The following GABRB1 variants were observed in gnomAD, a reference collection of about 807,000 sequenced individuals.
GABRB1 encodes gamma-aminobutyric acid receptor subunit beta-1.
A neutral mutation model predicts 51.6 loss-of-function variants in GABRB1; 17 were observed. The ratio of observed to expected loss-of-function variants is 0.33; its 90% CI spans 0.23 to 0.49. The LOEUF is 0.49. GABRB1 is among the 20% of genes least tolerant of loss of function. The pLI is 0.99. For missense variants in GABRB1, 410 were observed against 600.6 expected (o/e 0.68, Z 3.32); for synonymous variants, 247 against 218.9 (o/e 1.13, Z -1.14).
At chr4:47,066,308 T>G (rs904649067) in intron 3 of GABRB1, among the ~76,000 whole-genome samples, 1 of 152,216 alleles carries the variant, frequency 6.6e-6, no homozygotes, top group Admixed American at 6.5e-5. Context: ...TGCTGACTGA[T>G]CAGGGTGGTG....
chr4:47,121,302 G>A (rs887701142), intron 3 of GABRB1, among the ~76,000 whole-genome samples: 1 of 152,122 alleles, frequency 6.6e-6, no homozygotes, highest in South Asian at 2.1e-4. Flanking sequence ...CAAGCACATA[G>A]ATTCTCTCTC....
chr4:47,224,105 G>A (rs1720860785), intron 4 of GABRB1, among the ~76,000 whole-genome samples: 1 of 151,910 alleles, frequency 6.6e-6, no homozygotes, highest in Non-Finnish European at 1.5e-5. Flanking sequence ...CTTTACCTGA[G>A]CTCTGTGCTC....
At chr4:47,081,132 C>T (rs908554964) in intron 3 of GABRB1, among the ~76,000 whole-genome samples, 8 of 152,122 alleles carry the variant, frequency 5.3e-5, no homozygotes, top group Non-Finnish European at 7.4e-5. Context: ...GATGACATAA[C>T]GAAGCCTTTG....
chr4:47,198,171 C>A (rs1560581596), intron 4 of GABRB1, among the ~76,000 whole-genome samples: 1 of 152,134 alleles, frequency 6.6e-6, no homozygotes, highest in Admixed American at 6.5e-5. Flanking sequence ...GGCATAGTGG[C>A]AGGATGTGAA....
At chr4:47,122,899 A>G (rs1056857940) in intron 3 of GABRB1, among the ~76,000 whole-genome samples, 1 of 152,192 alleles carries the variant, frequency 6.6e-6, no homozygotes, top group Non-Finnish European at 1.5e-5. Flanking sequence ...GAGAAAAACG[A>G]GCTGACCAGC....
At chr4:47,092,291 G>T (rs1424467327) in intron 3 of GABRB1, among the ~76,000 whole-genome samples, 1 of 147,124 alleles carries the variant, frequency 6.8e-6, no homozygotes, top group African/African-American at 2.5e-5. Context: ...TCCTGTCTCA[G>T]CCTCCTAAAT....
At chr4:47,273,813 G>C (rs2109896779) in intron 4 of GABRB1, among the ~76,000 whole-genome samples, 1 of 150,856 alleles carries the variant, frequency 6.6e-6, no homozygotes, top group East Asian at 1.9e-4. Flanking sequence ...TTGAGATTGA[G>C]GTTTTGTTCT....
chr4:47,101,127 T>C (rs1343487708), intron 3 of GABRB1, among the ~76,000 whole-genome samples: 1 of 152,034 alleles, frequency 6.6e-6, no homozygotes, highest in Non-Finnish European at 1.5e-5. Flanking sequence ...GTAGACTCCC[T>C]TAGGACAGGG....
At chr4:47,194,621 A>G (rs1406001398) in intron 4 of GABRB1, among the ~76,000 whole-genome samples, 1 of 152,224 alleles carries the variant, frequency 6.6e-6, no homozygotes, top group Non-Finnish European at 1.5e-5. Context: ...AAACTAGCAC[A>G]TCAGTGCTGC....
At chr4:47,029,943 G>A (rs550541826), upstream of GABRB1, among the ~76,000 whole-genome samples, 1 of 152,090 alleles carries the variant, frequency 6.6e-6, no homozygotes, top group African/African-American at 2.4e-5. Flanking sequence ...ATATCTCAAA[G>A]GCAAATGCCC....
At chr4:47,350,395 T>C (rs1010352961) in intron 5 of GABRB1, among the ~76,000 whole-genome samples, 1 of 151,488 alleles carries the variant, frequency 6.6e-6, no homozygotes, top group Admixed American at 6.6e-5. Context: ...CAAGCACTAC[T>C]AACAAACTCC....
At chr4:47,167,652 G>A (rs1718248067) in intron 4 of GABRB1, among the ~76,000 whole-genome samples, 1 of 152,172 alleles carries the variant, frequency 6.6e-6, no homozygotes, top group South Asian at 2.1e-4. Flanking sequence ...ACAGTTTGGA[G>A]AGCAGAGATA....
chr4:47,227,569 A>G (rs1251297418), intron 4 of GABRB1, among the ~76,000 whole-genome samples: 4 of 152,172 alleles, frequency 2.6e-5, no homozygotes. Context: ...ATAGAGCACT[A>G]GAGCTGAGAT....
intron 3 of GABRB1, among the ~76,000 whole-genome samples, chr4:47,131,417 C>T (rs1212167598): frequency 6.6e-6 from 1 of 152,314 alleles, no homozygotes; most frequent in South Asian, 2.1e-4. Context: ...CTCGGCCTCC[C>T]AAAGTGCTGG....
chr4:47,099,075 A>C (rs1407928744), intron 3 of GABRB1, among the ~76,000 whole-genome samples: 1 of 152,076 alleles, frequency 6.6e-6, no homozygotes, highest in Admixed American at 6.6e-5. Context: ...CACGTTTGGC[A>C]ATATAGGTAG....
intron 4 of GABRB1, among the ~76,000 whole-genome samples, chr4:47,212,131 C>A (rs1720380863): frequency 6.6e-6 from 1 of 152,068 alleles, no homozygotes; most frequent in African/African-American, 2.4e-5. Flanking sequence ...GAAAAGGTAC[C>A]TGGCGTGAAA....
intron 5 of GABRB1, among the ~76,000 whole-genome samples, chr4:47,348,180 A>G (rs1041544575): frequency 2.6e-5 from 4 of 152,170 alleles, no homozygotes; most frequent in African/African-American, 9.7e-5. Flanking sequence ...TTGTTCATCA[A>G]CTGATGCAGG....
chr4:47,223,372 G>T (rs1424575001), intron 4 of GABRB1, among the ~76,000 whole-genome samples: 4 of 151,956 alleles, frequency 2.6e-5, no homozygotes, highest in Non-Finnish European at 5.9e-5. Flanking sequence ...CTCAGAAATG[G>T]AAAATAGAAC....
chr4:47,030,350 A>G (rs1246995888), upstream of GABRB1, among the ~76,000 whole-genome samples: 1 of 151,986 alleles, frequency 6.6e-6, no homozygotes, highest in Admixed American at 6.5e-5. Flanking sequence ...AATACTAAGA[A>G]TATGCATAAG....
Sources: allele counts gnomAD v4.1 joint callset (sites outside exome capture counted in the v4.1 genomes callset), GRCh38; gene constraint gnomAD v4.1.1; transcripts MANE v1.5; gene names NCBI Gene and HGNC (gene_info 2026-07-23, HGNC 2026-07-21).